Variants in CEBPG observed in about 807,000 individuals in gnomAD.
The protein encoded by CEBPG is CCAAT enhancer binding protein gamma, also known as CCAAT/enhancer-binding protein gamma.
A neutral mutation model predicts 11.1 loss-of-function variants in CEBPG; 6 were observed. That is an observed-to-expected ratio of 0.54 (90% CI 0.30 to 1.07). CEBPG has a LOEUF of 1.07. CEBPG is among the 50% of genes least tolerant of loss of function. The pLI is 0.07. For missense variants in CEBPG, 161 were observed against 187.4 expected, an observed-to-expected ratio of 0.86 and a Z score of 0.82; for synonymous variants, 66 against 71.0, an observed-to-expected ratio of 0.93 and a Z score of 0.36.
chr19:33,377,165 G>A (rs1170301369), intron 1 of CEBPG, among the ~76,000 whole-genome samples: 2 of 152,228 alleles, frequency 1.3e-5, no homozygotes, highest in South Asian at 2.1e-4. Context: ...GTTGCTGAAC[G>A]TGGACCCTGT....
chr19:33,379,249 A>G lies in CEBPG; in HGVS notation c.10A>G (p.Ile4Val), dbSNP rs146979484. 1.1e-3 allele frequency: 1,738 copies of G among 1,540,692 alleles called. 2 individuals carry two copies. Among genetic ancestry groups the G allele is most frequent in the Admixed American group, 1.7e-3 (82 of 48,532 alleles). The stretch of plus-strand genomic sequence containing the variant: ...AAGGGAGAGTGCCCAAATGAGCAAG[A>G]TATCGCAGCAAAACAGCACTCCAGG... MSK[I>V]SQQNSTPGVN... Residue 4 changes from isoleucine (I) to valine (V), a missense_variant, in exon 2 of 2, where the codon ATA becomes GTA. Ile to Val is a conservative substitution (Grantham distance 29). Transcript: ENST00000284000.
intron 1 of CEBPG, among the ~76,000 whole-genome samples, chr19:33,378,683 G>C (rs1476323862): frequency 6.6e-6 from 1 of 152,230 alleles, no homozygotes; most frequent in African/African-American, 2.4e-5. Flanking sequence ...GGAACCCGCA[G>C]GGGTGATAGC....
Position 33,379,213 on chromosome 19 carries a change from T to G in CEBPG, c.-27T>G. The G allele has an allele frequency of 6.6e-7, 1 of 1,512,496 alleles. No individual in the cohort carries two copies. Among genetic ancestry groups the G allele is most frequent in the Non-Finnish European group, 8.8e-7 (1 of 1,130,634 alleles). The allele number at this position is 1,512,496 out of a possible 1,614,324, so 93.7% of individuals were successfully genotyped here. On this transcript the variant is annotated 5_prime_UTR_variant, in exon 2 of 2. Coordinates refer to ENST00000284000, the MANE Select transcript of CEBPG (RefSeq NM_001806.4). ...TCACCCTGCTCTCATTTCTACCTGT[T>G]CTGTGTTGGCAAGGGAGAGTGCCCA...
In CEBPG at chr19:33,381,553, C is replaced by T. The variant is rs1023350872; in HGVS notation, c.*1861C>T. On this transcript the variant is annotated 3_prime_UTR_variant, in exon 2 of 2. Transcript: ENST00000284000. The stretch of plus-strand genomic sequence containing the variant: ...AGATGTTTTGAAAAACTAGCCAGGA[C>T]ACACCCACAGGATCCTACTGGCTCC... 1 of 167,060 alleles carries T rather than the reference C, an allele frequency of 6.0e-6. No homozygotes were observed. The highest frequency in any genetic ancestry group is 2.4e-5 in the African/African-American group (1 of 41,442). The allele number at this position is 167,060 out of a possible 1,614,324, so 10.3% of individuals were successfully genotyped here. A position where few individuals can be genotyped will look rare whatever the true frequency, so the allele number is the denominator to read the frequency against.
chr19:33,381,000 G>T lies in CEBPG; in HGVS notation c.*1308G>T, dbSNP rs763705880. 3.0e-5 allele frequency: 5 copies of T among 167,012 alleles called. No homozygotes were observed. The highest frequency in any genetic ancestry group is 5.9e-5 in the Non-Finnish European group (4 of 68,118). The allele number at this position is 167,012 out of a possible 1,614,324, so 10.3% of individuals were successfully genotyped here. ...AAAAAATGGCAGTCGCTAAAGTAGGGACTCTAGAGTCTGGCTTACGTCAGT... is the reference window on the plus strand; with the variant it reads ...AAAAAATGGCAGTCGCTAAAGTAGGTACTCTAGAGTCTGGCTTACGTCAGT... On this transcript the variant is annotated 3_prime_UTR_variant, in exon 2 of 2. Transcript: ENST00000284000.
rs1443455938 is a variant in CEBPG, at chr19:33,381,561, C to T, written c.*1869C>T. On this transcript the variant is annotated 3_prime_UTR_variant, in exon 2 of 2. Transcript: ENST00000284000. ...TGAAAAACTAGCCAGGACACACCCA[C>T]AGGATCCTACTGGCTCCTTAGCAGC... 1.2e-5 allele frequency: 2 copies of T among 167,108 alleles called. No individual in the cohort carries two copies. Among genetic ancestry groups the T allele is most frequent in the Non-Finnish European group, 2.9e-5 (2 of 68,136 alleles). The allele number at this position is 167,108 out of a possible 1,614,324, so 10.4% of individuals were successfully genotyped here. A position where few individuals can be genotyped will look rare whatever the true frequency, so the allele number is the denominator to read the frequency against.
In CEBPG at chr19:33,381,243, A is replaced by G. The variant is rs1203851485; in HGVS notation, c.*1551A>G. ...TTTGGCCACATTGCTGTTTCATACT[A>G]GGACTTGGGATGATGTAGCCAGAAT... On this transcript the variant is annotated 3_prime_UTR_variant, in exon 2 of 2. Coordinates refer to ENST00000284000, the MANE Select transcript of CEBPG (RefSeq NM_001806.4). The G allele has an allele frequency of 6.0e-6, 1 of 167,120 alleles. No individual in the cohort carries two copies. Among genetic ancestry groups the G allele is most frequent in the African/African-American group, 2.4e-5 (1 of 41,462 alleles). 10.4% of individuals were successfully genotyped at this position (167,120 alleles called of 1,614,324 possible).
At chr19:33,376,338 A>G (rs1967911931) in intron 1 of CEBPG, among the ~76,000 whole-genome samples, 1 of 152,230 alleles carries the variant, frequency 6.6e-6, no homozygotes, top group African/African-American at 2.4e-5. Context: ...CTGCGCTTTC[A>G]GTGTGACTGA....
intron 1 of CEBPG, among the ~76,000 whole-genome samples, chr19:33,378,771 T>G (rs1486954426): frequency 6.6e-6 from 1 of 152,172 alleles, no homozygotes; most frequent in East Asian, 1.9e-4. Context: ...TTTTCCCCCC[T>G]TTCATTGCAG....
In CEBPG at chr19:33,380,641, A is replaced by G. The variant is rs1281053728; in HGVS notation, c.*949A>G. On this transcript the variant is annotated 3_prime_UTR_variant, in exon 2 of 2. Transcript: ENST00000284000. ...TTCTCTTGTGTTCAAAATAGCTGCC[A>G]TGGGGCTGTTACTTTTAAAGTCAAA... 6.0e-6 allele frequency: 1 copy of G among 167,002 alleles called. No individual in the cohort carries two copies. Among genetic ancestry groups the G allele is most frequent in the Non-Finnish European group, 1.5e-5 (1 of 68,124 alleles). 10.3% of individuals were successfully genotyped at this position (167,002 alleles called of 1,614,324 possible). A position where few individuals can be genotyped will look rare whatever the true frequency, so the allele number is the denominator to read the frequency against.
chr19:33,374,303 A>G (rs1300260204), intron 1 of CEBPG: 2 of 152,150 alleles, frequency 1.3e-5, no homozygotes, highest in Non-Finnish European at 2.9e-5. Context: ...GGGTGTTCCC[A>G]GAATAGCAGA....
intron 1 of CEBPG, among the ~76,000 whole-genome samples, chr19:33,378,309 A>G (rs894290413): frequency 1.3e-5 from 2 of 152,256 alleles, no homozygotes; most frequent in Admixed American, 6.5e-5. Flanking sequence ...AAGTGGCCAC[A>G]GGCACGGCAG....
In CEBPG at chr19:33,379,611, G is replaced by C; in HGVS notation, c.372G>C (p.Glu124Asp). 6.2e-7 allele frequency: 1 copy of C among 1,614,148 alleles called. No individual in the cohort carries two copies. Among genetic ancestry groups the C allele is most frequent in the African/African-American group, 1.3e-5 (1 of 75,066 alleles). The change falls in exon 2 of 2, where the codon GAG becomes GAC. Residue 124 changes from glutamate to aspartate, a missense_variant. By Grantham distance (45) the Glu-to-Asp change is conservative. Coordinates refer to ENST00000284000, the MANE Select transcript of CEBPG (RefSeq NM_001806.4). Reference sequence around the variant, plus strand: ...GTGTACTCAAAGATTTGTTTCTTGAGCATGCACACAACCTTGCAGACAACG... The same window carrying C: ...GTGTACTCAAAGATTTGTTTCTTGACCATGCACACAACCTTGCAGACAACG... ...ELSVLKDLFL[E>D]HAHNLADNVQ...
At chr19:33,374,765 A>G (rs951114070) in intron 1 of CEBPG, among the ~76,000 whole-genome samples, 1 of 152,184 alleles carries the variant, frequency 6.6e-6, no homozygotes, top group Non-Finnish European at 1.5e-5. Flanking sequence ...CCTGAAATGT[A>G]TAAGATTTAG....
At chr19:33,375,136 G>A (rs1215974459) in intron 1 of CEBPG, among the ~76,000 whole-genome samples, 1 of 152,132 alleles carries the variant, frequency 6.6e-6, no homozygotes, top group Non-Finnish European at 1.5e-5. Context: ...ACACTTGGCT[G>A]GTTCAGTTAT....
At chr19:33,376,425 T>A (rs576763580) in intron 1 of CEBPG, among the ~76,000 whole-genome samples, 2 of 152,230 alleles carry the variant, frequency 1.3e-5, no homozygotes, top group Non-Finnish European at 2.9e-5. Context: ...TTCTCAATAT[T>A]CATTGGGAAT....
Position 33,379,502 on chromosome 19 carries a change from A to G in CEBPG, c.263A>G (p.Gln88Arg), listed in dbSNP as rs1465296820. The change falls in exon 2 of 2, where the codon CAA (glutamine) becomes CGA (arginine). Residue 88 changes from glutamine to arginine, a missense_variant. Gln to Arg is a conservative substitution (Grantham distance 43). Coordinates refer to ENST00000284000, the MANE Select transcript of CEBPG (RefSeq NM_001806.4). The part of the protein sequence containing the change: ...KSRLKSKQKA[Q>R]DTLQRVNQLK... ...CGGTTGAAAAGCAAGCAGAAAGCAC[A>G]AGACACACTGCAGAGAGTCAATCAG... 8 of 1,614,032 alleles carry G rather than the reference A, an allele frequency of 5.0e-6. No homozygotes were observed. The highest frequency in any genetic ancestry group is 1.3e-5 in the African/African-American group (1 of 74,948).
chr19:33,375,615 A>G (rs538689622), intron 1 of CEBPG, among the ~76,000 whole-genome samples: 3 of 152,098 alleles, frequency 2.0e-5, no homozygotes, highest in African/African-American at 7.2e-5. Context: ...GATGATGTTG[A>G]TGTTCTTCTA....
intron 1 of CEBPG, among the ~76,000 whole-genome samples, chr19:33,376,211 A>T (rs1967910526): frequency 6.6e-6 from 1 of 152,180 alleles, no homozygotes; most frequent in African/African-American, 2.4e-5. Context: ...GGGGAGGAAT[A>T]TTGGGTTCTA....
Sources: allele counts gnomAD v4.1 joint callset (sites outside exome capture counted in the v4.1 genomes callset), GRCh38; gene constraint gnomAD v4.1.1; transcripts MANE v1.5; gene names NCBI Gene and HGNC (gene_info 2026-07-23, HGNC 2026-07-21).